Variants in MIPOL1 observed in about 807,000 individuals in gnomAD.
The protein encoded by MIPOL1 is mirror-image polydactyly 1.
MIPOL1 carries 57 observed loss-of-function variants against 60.9 expected under a neutral mutation model. That is an observed-to-expected ratio of 0.94 (90% CI 0.76 to 1.17). MIPOL1 has a LOEUF of 1.17. Ranked by LOEUF, MIPOL1 falls within the 50% of genes most tolerant of loss-of-function variation. The pLI, the probability that MIPOL1 is intolerant of heterozygous loss-of-function variation, is 0.00. For synonymous variants in MIPOL1, 179 were observed against 168.8 expected, an observed-to-expected ratio of 1.06 and a Z score of -0.47; for missense variants, 551 against 511.6, an observed-to-expected ratio of 1.08 and a Z score of -0.74.
In MIPOL1 at chr14:37,384,049, C is replaced by T. The variant is rs2092999817; in HGVS notation, c.936+14425C>T. Among the ~76,000 whole-genome samples, 3 of 151,966 alleles carry T rather than the reference C, an allele frequency of 2.0e-5. No homozygotes were observed. In the South Asian group the frequency reaches 6.2e-4, roughly 31 times the overall value. The stretch of plus-strand genomic sequence containing the variant: ...AATTAACTTCAATACTGACACACTG[C>T]CCTTTCCTTGCTCTTTTGTGCCCAT... On this transcript the variant is annotated intron_variant, in intron 10 of 12. Coordinates refer to ENST00000684589, the MANE Select transcript of MIPOL1 (RefSeq NM_001388067.1).
intron 3 of MIPOL1, among the ~76,000 whole-genome samples, chr14:37,258,900 GA>G (rs369533340): frequency 2.4e-4 from 35 of 145,828 alleles, no homozygotes; most frequent in East Asian, 6.0e-4. Context: ...TGTTTTATCT[GA>G]AAAAAAAAAG....
In MIPOL1 at chr14:37,373,000, T is replaced by G. The variant is rs557934028; in HGVS notation, c.936+3376T>G. Among the ~76,000 whole-genome samples, 35 of 152,234 alleles carry G rather than the reference T, an allele frequency of 2.3e-4. 1 individual carries two copies. Among genetic ancestry groups the G allele is most frequent in the Middle Eastern group, 6.8e-3 (2 of 294 alleles). ...AAGAACATGTTTTTGAACATGTGAT[T>G]TTGTTTGTTTGTTTCTTCGTTCTGA... On this transcript the variant is annotated intron_variant, in intron 10 of 12. Transcript: ENST00000684589.
intron 10 of MIPOL1, among the ~76,000 whole-genome samples, chr14:37,414,192 G>A (rs1231265274): frequency 1.3e-5 from 2 of 152,108 alleles, no homozygotes; most frequent in Non-Finnish European, 2.9e-5. Context: ...GAAAAGATAA[G>A]TTGACTTCTC....
intron 12 of MIPOL1, among the ~76,000 whole-genome samples, chr14:37,532,236 A>G (rs183827213): frequency 6.6e-6 from 1 of 152,308 alleles, no homozygotes; most frequent in East Asian, 1.9e-4. Flanking sequence ...CAGTAAATAA[A>G]TTTGAACATA....
chr14:37,521,920 T>TTTC lies in MIPOL1; in HGVS notation c.1262+21782_1262+21783insTTC, dbSNP rs398024815. 3.0e-3 allele frequency among the ~76,000 whole-genome samples: 434 copies of TTTC among 142,516 alleles called. 5 individuals are homozygous for TTTC. The highest frequency in any genetic ancestry group is 0.011 in the African/African-American group (419 of 39,434). 93.5% of individuals were successfully genotyped at this position (142,516 alleles called of 152,430 possible). On this transcript the variant is annotated intron_variant, in intron 12 of 12. Transcript: ENST00000684589. Reference sequence around the variant, plus strand: ...TATATATATATATATATTTTTTTTTTCTTTGGCTTCAAAAATAAAACAGAG... The same window carrying TTTC: ...TATATATATATATATATTTTTTTTTTTTCCTTTGGCTTCAAAAATAAAACAGAG...
chr14:37,284,885 G>C (rs1294431670), intron 6 of MIPOL1, among the ~76,000 whole-genome samples: 1 of 152,178 alleles, frequency 6.6e-6, no homozygotes. Flanking sequence ...GCTACAGTAA[G>C]TATTTTTATA....
intron 6 of MIPOL1, 119 bp from the exon 7 acceptor site, chr14:37,285,195 TATTA>T (rs1240414984): frequency 1.1e-5 from 10 of 937,304 alleles, no homozygotes; most frequent in East Asian, 2.5e-5. Flanking sequence ...GATTGATTGA[TATTA>T]ATTCAGTTTA....
At chr14:37,215,284 G>A (rs1594503077) in intron 1 of MIPOL1, among the ~76,000 whole-genome samples, 2 of 151,624 alleles carry the variant, frequency 1.3e-5, no homozygotes, top group African/African-American at 4.8e-5. Flanking sequence ...TAACAGCGCA[G>A]CCTGGGATTT....
At chr14:37,322,078 C>T (rs183081808) in intron 9 of MIPOL1, among the ~76,000 whole-genome samples, 62 of 152,060 alleles carry the variant, frequency 4.1e-4, no homozygotes, top group African/African-American at 7.2e-5. Context: ...TCCATCAATT[C>T]GTCTCACTTA....
At chr14:37,365,660 A>G (rs944502196) in intron 9 of MIPOL1, among the ~76,000 whole-genome samples, 26 of 151,982 alleles carry the variant, frequency 1.7e-4, no homozygotes, top group Admixed American at 7.2e-4. Context: ...ATATTGGCCT[A>G]CAGTTTTCTT....
intron 12 of MIPOL1, among the ~76,000 whole-genome samples, chr14:37,521,893 A>AAAATATATAT (rs371492296): frequency 1.6e-5 from 2 of 123,576 alleles, no homozygotes; most frequent in African/African-American, 3.1e-5. Context: ...AAGAAAAAAA[A>AAAATATATAT]ATATATATAT....
At chr14:37,449,728 C>T (rs2094389911) in intron 11 of MIPOL1, among the ~76,000 whole-genome samples, 1 of 152,092 alleles carries the variant, frequency 6.6e-6, no homozygotes, top group South Asian at 2.1e-4. Flanking sequence ...TTCTTTCTTA[C>T]TTGAGCCATG....
intron 11 of MIPOL1, among the ~76,000 whole-genome samples, chr14:37,481,607 AC>A (rs1566684021): frequency 4.4e-4 from 63 of 143,022 alleles, no homozygotes; most frequent in African/African-American, 1.6e-3. Flanking sequence ...ACACACACAC[AC>A]ACACCGAAAC....
At chr14:37,485,453 T>C (rs1386823492) in intron 11 of MIPOL1, among the ~76,000 whole-genome samples, 1 of 152,198 alleles carries the variant, frequency 6.6e-6, no homozygotes, top group African/African-American at 2.4e-5. Flanking sequence ...CCACCAACAG[T>C]GTAAAAGCAT....
rs571320490 is a variant in MIPOL1, at chr14:37,273,478, T to C, written c.493+2953T>C. Among the ~76,000 whole-genome samples, 6 of 151,396 alleles carry C rather than the reference T, an allele frequency of 4.0e-5. No homozygotes were observed. In the South Asian group the frequency reaches 1.2e-3, roughly 31 times the overall value. ...TGATGGCTGTGATCCAGTTTTGCCA[T>C]TTTTTACCCACACCCTTTTTTTAGT... On this transcript the variant is annotated intron_variant, in intron 6 of 12. Transcript: ENST00000684589.
At chr14:37,345,489 C>T (rs1336072193) in intron 9 of MIPOL1, among the ~76,000 whole-genome samples, 1 of 152,184 alleles carries the variant, frequency 6.6e-6, no homozygotes, top group Non-Finnish European at 1.5e-5. Flanking sequence ...GTTATTGATA[C>T]TGAAATTGTA....
intron 10 of MIPOL1, among the ~76,000 whole-genome samples, chr14:37,376,353 C>T (rs2092776657): frequency 6.6e-6 from 1 of 152,128 alleles, no homozygotes; most frequent in Non-Finnish European, 1.5e-5. Flanking sequence ...TCCTGACCAG[C>T]TTTTTGCTGT....
intron 11 of MIPOL1, among the ~76,000 whole-genome samples, chr14:37,427,960 A>G (rs2093994100): frequency 6.6e-6 from 1 of 152,230 alleles, no homozygotes; most frequent in African/African-American, 2.4e-5. Flanking sequence ...GATAGAACTC[A>G]TAGATAATGG....
At chr14:37,430,888 C>A (rs1308607708) in intron 11 of MIPOL1, among the ~76,000 whole-genome samples, 1 of 152,154 alleles carries the variant, frequency 6.6e-6, no homozygotes, top group Non-Finnish European at 1.5e-5. Flanking sequence ...TTGGCATTAT[C>A]AGTTTTCACA....
Sources: allele counts gnomAD v4.1 joint callset (sites outside exome capture counted in the v4.1 genomes callset), GRCh38; gene constraint gnomAD v4.1.1; transcripts MANE v1.5; gene names NCBI Gene and HGNC (gene_info 2026-07-23, HGNC 2026-07-21).